Variants in AUTS2 observed in about 807,000 individuals in gnomAD.
AUTS2 encodes the protein autism susceptibility gene 2 protein.
Under a neutral mutation model 112.4 loss-of-function variants are expected in AUTS2, and 17 were observed. The observed-to-expected ratio is 0.15, with a 90% CI of 0.10 to 0.23. The LOEUF (loss-of-function observed/expected upper bound fraction) is 0.23. Among genes scored for constraint, AUTS2 ranks in the 10% least tolerant of loss-of-function variants. The pLI is 1.00. For synonymous variants in AUTS2, 751 were observed against 702.7 expected, an observed-to-expected ratio of 1.07 and a Z score of -1.09; for missense variants, 1,510 against 1,701.6, an observed-to-expected ratio of 0.89 and a Z score of 1.98.
chr7:69,629,260 C>CA (rs2129101353), intron 1 of AUTS2, among the ~76,000 whole-genome samples: 1 of 152,288 alleles, frequency 6.6e-6, no homozygotes, highest in East Asian at 1.9e-4. Flanking sequence ...GAATCTTTGG[C>CA]AGCCACCGTT....
intron 4 of AUTS2, among the ~76,000 whole-genome samples, chr7:70,197,071 T>C (rs1431182146): frequency 2.0e-5 from 3 of 152,218 alleles, no homozygotes; most frequent in Non-Finnish European, 2.9e-5. Context: ...TGTATACATA[T>C]ACATTCTCTT....
intron 4 of AUTS2, among the ~76,000 whole-genome samples, chr7:70,361,987 A>G (rs1170592464): frequency 1.3e-5 from 2 of 152,198 alleles, no homozygotes; most frequent in Non-Finnish European, 2.9e-5. Flanking sequence ...TGACAGTTCA[A>G]AGAGAGAAGT....
chr7:69,718,307 AC>A (rs1336611813), intron 1 of AUTS2, among the ~76,000 whole-genome samples: 1 of 152,202 alleles, frequency 6.6e-6, no homozygotes, highest in Non-Finnish European at 1.5e-5. Context: ...AACAACACAA[AC>A]TTTTATCTTA....
intron 4 of AUTS2, among the ~76,000 whole-genome samples, chr7:70,170,839 C>T (rs1458278453): frequency 1.3e-5 from 2 of 152,222 alleles, no homozygotes; most frequent in South Asian, 2.1e-4. Context: ...AACTCCTGAC[C>T]TCGTGATCCA....
chr7:70,507,518 C>T (rs1210654118), intron 5 of AUTS2, among the ~76,000 whole-genome samples: 1 of 151,956 alleles, frequency 6.6e-6, no homozygotes, highest in East Asian at 1.9e-4. Context: ...TAACTAAGGC[C>T]GGGCGCAGTG....
intron 4 of AUTS2, among the ~76,000 whole-genome samples, chr7:70,185,608 AT>A (rs1809560503): frequency 6.6e-6 from 1 of 152,152 alleles, no homozygotes; most frequent in Non-Finnish European, 1.5e-5. Flanking sequence ...GTTTTATGCT[AT>A]TTAGGATCGA....
At chr7:70,022,095 G>C (rs1473443222) in intron 2 of AUTS2, among the ~76,000 whole-genome samples, 1 of 149,176 alleles carries the variant, frequency 6.7e-6, no homozygotes, top group East Asian at 2.0e-4. Context: ...ATCAAATATT[G>C]ATGTAAGAAG....
At chr7:69,757,374 G>A (rs1339000324) in intron 1 of AUTS2, among the ~76,000 whole-genome samples, 3 of 152,200 alleles carry the variant, frequency 2.0e-5, no homozygotes, top group African/African-American at 7.2e-5. Flanking sequence ...TTGCTGGCAG[G>A]ATAGGCTGTG....
chr7:70,170,199 G>A (rs369682742), intron 4 of AUTS2, among the ~76,000 whole-genome samples: 28 of 135,164 alleles, frequency 2.1e-4, no homozygotes, highest in African/African-American at 5.3e-4. Context: ...TTACTTCTTC[G>A]CCCAGGCTGG....
rs1299887951 is a variant in AUTS2, at chr7:70,762,884, G to A, written c.757G>A (p.Val253Ile). The A allele has an allele frequency of 1.2e-6, 2 of 1,613,428 alleles. No homozygotes were observed. The highest frequency in any genetic ancestry group is 1.7e-5 in the Admixed American group (1 of 60,018). ...CTCCCATGCAGATCCGGAGTTAGGT[G>A]TTGGCACGCTACCAGAACATGACAG... Reference protein sequence around the residue: ...VIVNKDPELGVGTLPEHDSQD... With the variant: ...VIVNKDPELGIGTLPEHDSQD... Residue 253 changes from valine (V) to isoleucine (I), a missense_variant, in exon 7 of 19, where the codon GTT becomes ATT. By Grantham distance (29) the Val-to-Ile change is conservative (BLOSUM62 3). Around this residue, in one of 3 missense-constraint regions of AUTS2, gnomAD observed 535 missense variants for 594.3 expected, o/e 0.90. Coordinates refer to ENST00000342771, the MANE Select transcript of AUTS2 (RefSeq NM_015570.4).
intron 4 of AUTS2, among the ~76,000 whole-genome samples, chr7:70,152,998 G>C (rs917592354): frequency 6.6e-6 from 1 of 152,082 alleles, no homozygotes. Context: ...AACCAATTGA[G>C]AGAACAGTTT....
chr7:70,584,728 G>A (rs535657614), intron 5 of AUTS2, among the ~76,000 whole-genome samples: 11 of 152,366 alleles, frequency 7.2e-5, no homozygotes, highest in East Asian at 3.9e-4. Context: ...CCAGGGAGGC[G>A]AGTGCTGGCC....
chr7:69,948,508 CTTTA>C (rs1796902231), intron 2 of AUTS2, among the ~76,000 whole-genome samples: 1 of 152,248 alleles, frequency 6.6e-6, no homozygotes, highest in African/African-American at 2.4e-5. Flanking sequence ...ATTACTTATG[CTTTA>C]AAAGTTTCCC....
intron 6 of AUTS2, among the ~76,000 whole-genome samples, chr7:70,712,457 A>C (rs1810112658): frequency 6.6e-6 from 1 of 152,034 alleles, no homozygotes. Context: ...CATGAAAAGG[A>C]ATGGGTTAGA....
intron 2 of AUTS2, among the ~76,000 whole-genome samples, chr7:70,033,728 A>C (rs2129556830): frequency 6.6e-6 from 1 of 152,298 alleles, no homozygotes; most frequent in South Asian, 2.1e-4. Context: ...ATTAAGATGG[A>C]GAACACAGCT....
At chr7:70,117,142 T>G (rs1805422427) in intron 2 of AUTS2, among the ~76,000 whole-genome samples, 4 of 144,018 alleles carry the variant, frequency 2.8e-5, no homozygotes, top group Admixed American at 7.0e-5. Context: ...TTTTTGTTTT[T>G]TTTTTTGGTG....
At chr7:69,810,562 T>C (rs967843640) in intron 1 of AUTS2, among the ~76,000 whole-genome samples, 49 of 151,940 alleles carry the variant, frequency 3.2e-4, no homozygotes, top group African/African-American at 1.1e-3. Context: ...GAGTTTGATA[T>C]AGGAGTGGGG....
At chr7:70,208,705 C>T (rs1029569618) in intron 4 of AUTS2, among the ~76,000 whole-genome samples, 1 of 151,804 alleles carries the variant, frequency 6.6e-6, no homozygotes, top group South Asian at 2.1e-4. Flanking sequence ...CCTAGGCTAA[C>T]GTGATAGAGA....
At chr7:70,547,758 A>C (rs1354378562) in intron 5 of AUTS2, among the ~76,000 whole-genome samples, 2 of 152,222 alleles carry the variant, frequency 1.3e-5, no homozygotes, top group Non-Finnish European at 2.9e-5. Flanking sequence ...TAATAATGCT[A>C]CTGTGAACAC....
Sources: gnomAD v4.1 joint callset for allele counts (sites outside exome capture counted in the v4.1 genomes callset) on GRCh38, gnomAD v4.1.1 for gene constraint, gnomAD v4.1.1 regional missense constraint, MANE v1.5 for transcripts, NCBI Gene and HGNC (gene_info 2026-07-23, HGNC 2026-07-21) for gene names.